BSG: variants seen among roughly 807,000 people sequenced by gnomAD.
The protein encoded by BSG is basigin (Ok blood group).
BSG carries 37 observed loss-of-function variants against 43.1 expected under a neutral mutation model. The ratio of observed to expected loss-of-function variants is 0.86; its 90% confidence interval spans 0.66 to 1.13. BSG has a LOEUF of 1.13. Among genes scored for constraint, BSG ranks in the 50% most tolerant of loss-of-function variants. The probability of loss-of-function intolerance (pLI) is 0.00; values close to 1 mark genes in which losing one functional copy is unlikely to be tolerated. For synonymous variants in BSG, 309 were observed against 238.7 expected (o/e 1.29, Z -2.72); for missense variants, 599 against 554.2 (o/e 1.08, Z -0.81).
At chr19:582,168 TGAGCTGCCCC>T in intron 6 of BSG, 128 bp from the exon 7 acceptor site, 1 of 1,111,490 alleles carries the variant, frequency 9.0e-7, no homozygotes, top group Admixed American at 2.6e-5. Context: ...CCGGGGCTGA[TGAGCTGCCCC>T]GAGCCACCCC....
Position 579,503 on chromosome 19 carries a change from GCA to G in BSG, c.422_423del (p.Thr141SerfsTer20). 3 of 1,612,528 alleles carry G rather than the reference GCA, an allele frequency of 1.9e-6. No homozygotes were observed. Among genetic ancestry groups the G allele is most frequent in the Non-Finnish European group, 2.5e-6 (3 of 1,179,896 alleles). On this transcript the variant is annotated frameshift_variant, in exon 3 of 9. Coordinates refer to ENST00000333511, the MANE Select transcript of BSG (RefSeq NM_001728.4). LOFTEE classifies it high-confidence loss of function. ...CGCGTCTCGCCGGGCCTTGCAGCCG[GCA>G]CAGTCTTCACTACCGTAGAAGACCT...
At chr19:577,297 A>G (rs1469155679) in intron 1 of BSG, among the ~76,000 whole-genome samples, 3 of 151,550 alleles carry the variant, frequency 2.0e-5, no homozygotes, top group Non-Finnish European at 4.4e-5. Context: ...CGAGCTTTCC[A>G]CCCACGGGCT....
upstream of BSG, chr19:571,709 G>T (rs1981253648): frequency 4.2e-6 from 3 of 707,014 alleles, no homozygotes; most frequent in Non-Finnish European, 7.9e-6. Context: ...GTACGGAAGG[G>T]GGCTGCCTGC....
rs545139311 is a variant in BSG at position 579,778 on chromosome 19, G to A, written c.572+122G>A. 10 of 1,414,474 alleles carry A rather than the reference G, an allele frequency of 7.1e-6. No individual in the cohort carries two copies. In the African/African-American group the frequency reaches 1.0e-4, roughly 14 times the overall value. The allele number at this position is 1,414,474 out of a possible 1,614,324, so 87.6% of individuals were successfully genotyped here. The stretch of plus-strand genomic sequence containing the variant: ...AGGCTTGATCCAGGCGGAAGTTAGG[G>A]ACCAGCTCCGCGCAGACCCCCAGAG... On this transcript the variant is annotated intron_variant, in intron 3 of 8. Coordinates refer to ENST00000333511, the MANE Select transcript of BSG (RefSeq NM_001728.4).
At chr19:575,772 G>T (rs529458335) in intron 1 of BSG, among the ~76,000 whole-genome samples, 2 of 152,298 alleles carry the variant, frequency 1.3e-5, no homozygotes, top group South Asian at 4.2e-4. Context: ...CATGTGGCCA[G>T]AATCGAATTC....
intron 4 of BSG, 55 bp downstream of exon 4, chr19:580,516 G>C (rs1423457214): frequency 1.9e-6 from 3 of 1,605,908 alleles, no homozygotes; most frequent in Non-Finnish European, 2.5e-6. Context: ...AGAAGTTGTT[G>C]GCCTGAGGCA....
chr19:579,767 C>T (rs775410436), intron 3 of BSG, 111 bp downstream of exon 3: 12 of 1,455,482 alleles, frequency 8.2e-6, no homozygotes, highest in Admixed American at 2.5e-5. Context: ...TTGATCCAGG[C>T]GGAAGTTAGG....
chr19:580,729 G>T lies in BSG; in HGVS notation c.739G>T (p.Val247Leu). Residue 247 changes from valine to leucine, a missense_variant, in exon 5 of 9, where the codon GTG (valine) becomes TTG (leucine). Coordinates refer to ENST00000333511, the MANE Select transcript of BSG (RefSeq NM_001728.4). ...TAMLVCKSES[V>L]PPVTDWAWYK... The stretch of plus-strand genomic sequence containing the variant: ...CATGCTGGTCTGCAAGTCAGAGTCC[G>T]TGCCACCTGTCACTGACTGGGCCTG... The T allele has an allele frequency of 3.1e-6, 5 of 1,612,796 alleles. No homozygotes were observed. Among genetic ancestry groups the T allele is most frequent in the Non-Finnish European group, 4.2e-6 (5 of 1,179,956 alleles).
At position 577,923 on chromosome 19, in the gene BSG, G is replaced by C; in HGVS notation, c.217G>C (p.Gly73Arg). ...CGACACCTGCTCCCAGCTCTGGGAC[G>C]GCGCCCGGCTGGACCGCGTCCACAT... ...PNDTCSQLWD[G>R]ARLDRVHIHA... The change falls in exon 2 of 9, where the codon GGC becomes CGC. Residue 73 changes from glycine (G) to arginine (R), a missense_variant. Gly to Arg is a moderately radical substitution (Grantham distance 125). Coordinates refer to ENST00000333511, the MANE Select transcript of BSG (RefSeq NM_001728.4). 6.2e-7 allele frequency: 1 copy of C among 1,602,812 alleles called. No individual in the cohort carries two copies. The highest frequency in any genetic ancestry group is 2.2e-5 in the East Asian group (1 of 44,558).
rs188142811 is a variant in BSG at position 583,323 on chromosome 19, C to G, written c.*579C>G. ...TCCTTGTCTGTGCATCCGGGGGCAGCTCTGGAGGGGGTTTGCTGGGGAACT... is the reference window on the plus strand; with the variant it reads ...TCCTTGTCTGTGCATCCGGGGGCAGGTCTGGAGGGGGTTTGCTGGGGAACT... On this transcript the variant is annotated 3_prime_UTR_variant, in exon 9 of 9. Coordinates refer to ENST00000333511, the MANE Select transcript of BSG (RefSeq NM_001728.4). 1 of 152,524 alleles carries G rather than the reference C, an allele frequency of 6.6e-6. No homozygotes were observed. The highest frequency in any genetic ancestry group is 6.5e-5 in the Admixed American group (1 of 15,310). 9.4% of individuals were successfully genotyped at this position (152,524 alleles called of 1,614,324 possible).
intron 2 of BSG, chr19:578,794 A>G (rs1138151): frequency 0.61 from 204,459 of 335,820 alleles, 67,284 homozygotes; most frequent in African/African-American, 0.91. Context: ...GTGGTGGCAC[A>G]ATCTCGGCTC....
At chr19:582,607 G>C (rs1458545686) in intron 8 of BSG, 25 bp downstream of exon 8, 4 of 1,480,620 alleles carry the variant, frequency 2.7e-6, no homozygotes, top group Admixed American at 4.1e-5. Flanking sequence ...AGCTCCTCCT[G>C]AGCCAGGTGT....
At position 581,348 on chromosome 19, in the gene BSG, G is replaced by C. The variant is rs766230593; in HGVS notation, c.826G>C (p.Val276Leu). ...GAACGGCTCCGAGAGCAGGTTCTTC[G>C]TGAGTTCCTCGCAGGGCCGGTCAGA... is the stretch of plus-strand genomic sequence containing the variant. ...LMNGSESRFF[V>L]SSSQGRSELH... The change falls in exon 6 of 9, where the codon GTG becomes CTG. Residue 276 changes from valine to leucine, a missense_variant. Physicochemically the swap from Val to Leu is conservative, Grantham distance 32 (BLOSUM62 1). Transcript: ENST00000333511. 3 of 1,612,728 alleles carry C rather than the reference G, an allele frequency of 1.9e-6. No individual in the cohort carries two copies. The Admixed American group carries it at 5.0e-5, about 27-fold the overall frequency.
chr19:572,447 C>G (rs1409509518), upstream of BSG: 11 of 1,147,512 alleles, frequency 9.6e-6, no homozygotes, highest in Non-Finnish European at 1.2e-5. Context: ...CCTGCCGGAG[C>G]CGGCGCGTAC....
chr19:580,363 C>T lies in BSG; in HGVS notation c.573-16C>T, dbSNP rs201396156. On this transcript the variant is annotated splice_polypyrimidine_tract_variant and intron_variant, in intron 3 of 8. Transcript: ENST00000333511. ...GCAGAGCTGGTACGCGGCTCACCTG[C>T]CTGCTGTGGTTGCAGGGTGGACTCC... 62 of 1,609,102 alleles carry T rather than the reference C, an allele frequency of 3.9e-5. No homozygotes were observed. The highest frequency in any genetic ancestry group is 4.4e-5 in the Non-Finnish European group (52 of 1,179,336).
chr19:579,572 C>T lies in BSG; in HGVS notation c.488C>T (p.Ala163Val). 6.2e-7 allele frequency: 1 copy of T among 1,612,782 alleles called. No individual in the cohort carries two copies. The highest frequency in any genetic ancestry group is 8.5e-7 in the Non-Finnish European group (1 of 1,179,946). The change falls in exon 3 of 9, where the codon GCC becomes GTC. Residue 163 changes from alanine to valine, a missense_variant. By Grantham distance (64) the Ala-to-Val change is moderately conservative. Coordinates refer to ENST00000333511, the MANE Select transcript of BSG (RefSeq NM_001728.4). ...ILLTCSLNDS[A>V]TEVTGHRWLK... ...CTCACCTGCTCCTTGAATGACAGCG[C>T]CACAGAGGTCACAGGGCACCGCTGG...
At chr19:575,193 C>CGCGT (rs1568347841) in intron 1 of BSG, 1 of 152,342 alleles carries the variant, frequency 6.6e-6, no homozygotes, top group East Asian at 1.9e-4. Context: ...GCCGTGTGTG[C>CGCGT]GCGTGTGTGT....
At position 577,989 on chromosome 19, in the gene BSG, A is replaced by G; in HGVS notation, c.283A>G (p.Ile95Val). 3 of 1,611,966 alleles carry G rather than the reference A, an allele frequency of 1.9e-6. No homozygotes were observed. Among genetic ancestry groups the G allele is most frequent in the South Asian group, 1.1e-5 (1 of 90,946 alleles). Residue 95 changes from isoleucine to valine, a missense_variant, in exon 2 of 9, where the codon ATC becomes GTC. Physicochemically the swap from Ile to Val is conservative, Grantham distance 29 (BLOSUM62 3). Transcript: ENST00000333511. ...YHQHAASTIS[I>V]DTLVEEDTGT... ...CCAGCACGCGGCCAGCACCATCTCC[A>G]TCGACACGCTCGTGGAGGAGGACAC...
intron 1 of BSG, among the ~76,000 whole-genome samples, chr19:574,680 G>A (rs2145888020): frequency 6.6e-6 from 1 of 152,352 alleles, no homozygotes; most frequent in East Asian, 1.9e-4. Context: ...TTGAGCCGTA[G>A]GGGGCCTTGG....
Sources: gnomAD v4.1 joint callset for allele counts (sites outside exome capture counted in the v4.1 genomes callset) on GRCh38, gnomAD v4.1.1 for gene constraint, MANE v1.5 for transcripts, NCBI Gene and HGNC (gene_info 2026-07-23, HGNC 2026-07-21) for gene names.